Variants in BRSK2 observed in about 807,000 individuals in gnomAD.
The protein encoded by BRSK2 is BR serine/threonine kinase 2.
In BRSK2, 19 loss-of-function variants were observed where a neutral mutation model predicts 83.3. That is an observed-to-expected ratio of 0.23 (90% confidence interval 0.16 to 0.33). The LOEUF is 0.33. Among genes scored for constraint, BRSK2 ranks in the 10% least tolerant of loss-of-function variants. The pLI, the probability that BRSK2 is intolerant of heterozygous loss-of-function variation, is 1.00. For synonymous variants in BRSK2, 519 were observed against 435.4 expected, an observed-to-expected ratio of 1.19 and a Z score of -2.39; for missense variants, 798 against 1,042.3, an observed-to-expected ratio of 0.77 and a Z score of 3.23.
chr11:1,418,327 A>G (rs1191357252), intron 1 of BRSK2, among the ~76,000 whole-genome samples: 2 of 133,182 alleles, frequency 1.5e-5, no homozygotes, highest in East Asian at 4.5e-4. Flanking sequence ...TTCTCTTGAG[A>G]GTGGGTCACC....
At chr11:1,411,346 T>A (rs1370960321) in intron 1 of BRSK2, 29 of 1,440,224 alleles carry the variant, frequency 2.0e-5, no homozygotes, top group Non-Finnish European at 2.5e-5. Context: ...GGGGGCACAG[T>A]TCTGCCCCAT....
At chr11:1,442,358 C>T (rs912925129) in intron 4 of BRSK2, 132 bp from the exon 5 acceptor site, 1 of 650,968 alleles carries the variant, frequency 1.5e-6, no homozygotes, top group Non-Finnish European at 2.8e-6. Context: ...CATCACCAGG[C>T]TGGGCTGCTA....
chr11:1,409,934 C>T (rs1171069778), intron 1 of BRSK2: 7 of 130,426 alleles, frequency 5.4e-5, no homozygotes, highest in African/African-American at 2.1e-4. Flanking sequence ...TTTGGGACGT[C>T]GGCCTCGCAG....
At chr11:1,443,007 C>T (rs1851564740) in intron 5 of BRSK2, 99 bp from the exon 6 acceptor site, 3 of 1,369,014 alleles carry the variant, frequency 2.2e-6, no homozygotes, top group Non-Finnish European at 1.9e-6. Context: ...CACCACAGCC[C>T]TGGAGGCCTC....
At chr11:1,413,346 C>T (rs1847757770) in intron 1 of BRSK2, among the ~76,000 whole-genome samples, 1 of 152,130 alleles carries the variant, frequency 6.6e-6, no homozygotes, top group African/African-American at 2.4e-5. Context: ...TTGCAGGGGC[C>T]ACGGGGAGAC....
chr11:1,450,876 A>G, intron 14 of BRSK2, 82 bp downstream of exon 14: 1 of 1,356,126 alleles, frequency 7.4e-7, no homozygotes, highest in Non-Finnish European at 9.9e-7. Flanking sequence ...CGGCAGTGCC[A>G]GACCAGTCCG....
At chr11:1,453,469 C>T (rs1034034891) in intron 15 of BRSK2, among the ~76,000 whole-genome samples, 4 of 152,200 alleles carry the variant, frequency 2.6e-5, no homozygotes, top group African/African-American at 4.8e-5. Context: ...GCTCCAGGCC[C>T]TGGCATGGGG....
At chr11:1,448,309 G>A (rs537449544) in intron 12 of BRSK2, among the ~76,000 whole-genome samples, 1 of 152,280 alleles carries the variant, frequency 6.6e-6, no homozygotes, top group Non-Finnish European at 1.5e-5. Flanking sequence ...CCAGTTTTGC[G>A]AGCCTGGGCG....
intron 15 of BRSK2, 92 bp downstream of exon 15, chr11:1,451,511 C>T (rs1845819542): frequency 5.9e-6 from 8 of 1,361,086 alleles, no homozygotes; most frequent in Non-Finnish European, 8.4e-6. Context: ...CAACGGGGTG[C>T]TCCTTCTCCA....
intron 1 of BRSK2, among the ~76,000 whole-genome samples, chr11:1,419,662 G>A (rs1239366456): frequency 6.6e-6 from 1 of 152,234 alleles, no homozygotes; most frequent in Non-Finnish European, 1.5e-5. Flanking sequence ...TGTAATCCCA[G>A]CACTTTGGGG....
intron 1 of BRSK2, among the ~76,000 whole-genome samples, chr11:1,416,051 G>A (rs190258143): frequency 2.5e-4 from 38 of 152,396 alleles, no homozygotes; most frequent in Admixed American, 9.1e-4. Flanking sequence ...GGCAACCTCA[G>A]GGCTCACCTG....
At chr11:1,447,021 G>A (rs1210958519) in intron 12 of BRSK2, among the ~76,000 whole-genome samples, 1 of 152,092 alleles carries the variant, frequency 6.6e-6, no homozygotes, top group African/African-American at 2.4e-5. Context: ...CAGAGTACTG[G>A]TGGTCCCAGT....
intron 1 of BRSK2, among the ~76,000 whole-genome samples, chr11:1,433,974 A>G (rs1282412656): frequency 6.6e-6 from 1 of 152,258 alleles, no homozygotes; most frequent in Non-Finnish European, 1.5e-5. Flanking sequence ...CGCCACACAG[A>G]TGAAACTGAC....
chr11:1,459,068 G>A (rs536207486), intron 18 of BRSK2, 124 bp from the exon 19 acceptor site: 10 of 616,918 alleles, frequency 1.6e-5, no homozygotes, highest in African/African-American at 1.5e-4. Flanking sequence ...CCCCACCCAT[G>A]CCTCTGGGGC....
intron 12 of BRSK2, chr11:1,447,713 C>A: frequency 3.1e-6 from 4 of 1,298,246 alleles, no homozygotes; most frequent in Non-Finnish European, 4.3e-6. Context: ...GGAGTTCTTA[C>A]CCGGTGTGGC....
intron 1 of BRSK2, among the ~76,000 whole-genome samples, chr11:1,397,916 C>T (rs569380815): frequency 5.6e-4 from 85 of 152,274 alleles, no homozygotes; most frequent in African/African-American, 1.9e-3. Flanking sequence ...AGGGCATTCA[C>T]GCCATCACTG....
chr11:1,449,670 C>T (rs562830797), intron 12 of BRSK2, 106 bp from the exon 13 acceptor site: 205 of 937,212 alleles, frequency 2.2e-4, no homozygotes, highest in African/African-American at 6.7e-4. Flanking sequence ...GCTCTTGGCC[C>T]GGGCTCCAGG....
chr11:1,414,460 G>A (rs1170257856), intron 1 of BRSK2, among the ~76,000 whole-genome samples: 1 of 152,186 alleles, frequency 6.6e-6, no homozygotes, highest in East Asian at 1.9e-4. Flanking sequence ...TAGAAGCTAA[G>A]GAGCCTCAGA....
chr11:1,449,635 G>A (rs960923868), intron 12 of BRSK2, 141 bp from the exon 13 acceptor site: 8 of 665,666 alleles, frequency 1.2e-5, no homozygotes, highest in Admixed American at 2.9e-5. Flanking sequence ...TTGACAGGGT[G>A]TGCAGCAGGA....
Sources: gnomAD v4.1 joint callset for allele counts (sites outside exome capture counted in the v4.1 genomes callset) on GRCh38, gnomAD v4.1.1 for gene constraint, MANE v1.5 for transcripts, NCBI Gene and HGNC (gene_info 2026-07-23, HGNC 2026-07-21) for gene names.